Variants in BTBD1 observed in about 807,000 individuals in gnomAD.
BTBD1 encodes BTB/POZ domain-containing protein 1.
Under a neutral mutation model 48.0 loss-of-function variants are expected in BTBD1, and 34 were observed. The observed-to-expected ratio is 0.71, with a 90% CI of 0.54 to 0.94. BTBD1 has a LOEUF of 0.94. Ranked by LOEUF, BTBD1 falls within the 40% of genes least tolerant of loss-of-function variation. BTBD1 has a pLI of 0.00. For synonymous variants in BTBD1, 261 were observed against 242.1 expected (o/e 1.08, Z -0.72); for missense variants, 543 against 625.6 (o/e 0.87, Z 1.41).
intron 2 of BTBD1, among the ~76,000 whole-genome samples, chr15:83,054,066 C>T (rs564244271): frequency 1.3e-5 from 2 of 151,704 alleles, no homozygotes; most frequent in East Asian, 3.9e-4. Context: ...AGGCGAGGCA[C>T]GGTGGCTCAC....
rs2033284379 is a variant in BTBD1 at position 83,066,787 on chromosome 15, G to A, written c.365C>T (p.Pro122Leu). ...MATTSAEIEL[P>L]DVEPAAFLAL... Reference sequence around the variant, plus strand: ...CAGGAAGGCTGCGGGCTCCACGTCCGGCAGCTCGATCTCGGCCGACGTGGT... The same window carrying A: ...CAGGAAGGCTGCGGGCTCCACGTCCAGCAGCTCGATCTCGGCCGACGTGGT... The change falls in exon 1 of 8, where the codon CCG becomes CTG. Residue 122 changes from proline (P) to leucine (L), a missense_variant. Pro to Leu is a moderately conservative substitution (Grantham distance 98). Transcript: ENST00000261721. The A allele has an allele frequency of 7.0e-7, 1 of 1,433,620 alleles. No individual in the cohort carries two copies. The highest frequency in any genetic ancestry group is 9.1e-7 in the Non-Finnish European group (1 of 1,097,762). The allele number at this position is 1,433,620 out of a possible 1,614,324, so 88.8% of individuals were successfully genotyped here.
At chr15:83,060,688 G>C (rs759878776) in intron 1 of BTBD1, among the ~76,000 whole-genome samples, 2 of 152,098 alleles carry the variant, frequency 1.3e-5, no homozygotes, top group Non-Finnish European at 2.9e-5. Context: ...CAGCTATTCG[G>C]GAGGCTAAGC....
chr15:83,044,581 T>C lies in BTBD1; in HGVS notation c.665-2656A>G, dbSNP rs1007351133. Reference sequence around the variant, plus strand: ...TTTTCTTGTACCCTGGGAGAGAAGTTTGAAGAAACCACAGCTGATGGCAGA... The same window carrying C: ...TTTTCTTGTACCCTGGGAGAGAAGTCTGAAGAAACCACAGCTGATGGCAGA... On this transcript the variant is annotated intron_variant, in intron 3 of 7. Coordinates refer to ENST00000261721, the MANE Select transcript of BTBD1 (RefSeq NM_025238.4). The C allele has an allele frequency of 2.4e-5, 38 of 1,596,668 alleles. No homozygotes were observed. The African/African-American group carries it at 4.7e-4, about 20-fold the overall frequency.
intron 2 of BTBD1, among the ~76,000 whole-genome samples, chr15:83,054,491 G>C (rs2033048176): frequency 6.6e-6 from 1 of 151,920 alleles, no homozygotes; most frequent in Middle Eastern, 3.2e-3. Flanking sequence ...GGTGACATCA[G>C]AATGTTCTTT....
rs183842947 is a variant in BTBD1, at chr15:83,021,377, C to T, written c.1056-615G>A. ...GCAGTTTCCTAACTAGAATAATTAACAAGTCCAGTTTGGTCATAATAGTTA... is the reference window on the plus strand; with the variant it reads ...GCAGTTTCCTAACTAGAATAATTAATAAGTCCAGTTTGGTCATAATAGTTA... On this transcript the variant is annotated intron_variant, in intron 5 of 7. Coordinates refer to ENST00000261721, the MANE Select transcript of BTBD1 (RefSeq NM_025238.4). Among the ~76,000 whole-genome samples the T allele has an allele frequency of 7.2e-5, 11 of 152,340 alleles. No homozygotes were observed. In the East Asian group the frequency reaches 2.1e-3, roughly 29 times the overall value.
At chr15:83,025,642 TTAC>T (rs1164505774) in intron 5 of BTBD1, among the ~76,000 whole-genome samples, 47 of 152,272 alleles carry the variant, frequency 3.1e-4, no homozygotes, top group South Asian at 1.0e-3. Flanking sequence ...ATATATAAAA[TTAC>T]TACAATACAG....
intron 3 of BTBD1, among the ~76,000 whole-genome samples, chr15:83,042,348 T>TTATATATATATATATATATGTA (rs2032777958): frequency 4.5e-5 from 5 of 109,896 alleles, no homozygotes; most frequent in African/African-American, 1.9e-4. Flanking sequence ...TTAGGCAATT[T>TTATATATATATATATATATGTA]TATATATATA....
At position 83,016,633 on chromosome 15, in the gene BTBD1, G is replaced by C. The variant is rs1567099535; in HGVS notation, c.*1434C>G. The C allele has an allele frequency of 6.6e-6, 1 of 152,028 alleles. No homozygotes were observed. Among genetic ancestry groups the C allele is most frequent in the Non-Finnish European group, 1.5e-5 (1 of 68,014 alleles). The allele number at this position is 152,028 out of a possible 1,614,324, so 9.4% of individuals were successfully genotyped here. A position where few individuals can be genotyped will look rare whatever the true frequency, so the allele number is the denominator to read the frequency against. ...ATTTTTTAAGGCAGAAGTATTTTCTGTAATGGTTACTACAGAGTGTTTACT... is the reference window on the plus strand; with the variant it reads ...ATTTTTTAAGGCAGAAGTATTTTCTCTAATGGTTACTACAGAGTGTTTACT... On this transcript the variant is annotated 3_prime_UTR_variant, in exon 8 of 8. Transcript: ENST00000261721.
At chr15:83,039,889 G>A (rs2032711875) in intron 4 of BTBD1, among the ~76,000 whole-genome samples, 1 of 151,148 alleles carries the variant, frequency 6.6e-6, no homozygotes, top group South Asian at 2.1e-4. Flanking sequence ...AAAAGAAAAT[G>A]TTCCACCAAA....
intron 5 of BTBD1, chr15:83,029,855 C>T (rs765851676): frequency 2.0e-5 from 7 of 358,792 alleles, no homozygotes; most frequent in South Asian, 3.2e-5. Flanking sequence ...AGTGACAGAG[C>T]GACTCCATCT....
intron 3 of BTBD1, 111 bp from the exon 4 acceptor site, chr15:83,042,036 T>C: frequency 1.2e-6 from 1 of 827,984 alleles, no homozygotes; most frequent in South Asian, 1.7e-5. Flanking sequence ...AAAAATAGGT[T>C]AGACACTTAA....
Position 83,018,226 on chromosome 15 carries a change from C to T in BTBD1, c.1291-1G>A, listed in dbSNP as rs1429917298. On this transcript the variant is annotated splice_acceptor_variant, in intron 7 of 7. Transcript: ENST00000261721. LOFTEE classifies it high-confidence loss of function. ...TTGTGCCATAGTGGGAATCTGGACC[C>T]TAAATGAGAACAAAAGGTTCCTTAG... The T allele has an allele frequency of 6.4e-7, 1 of 1,564,386 alleles. No individual in the cohort carries two copies. The highest frequency in any genetic ancestry group is 1.2e-5 in the South Asian group (1 of 80,178).
At chr15:83,038,146 C>T (rs1210464222) in intron 4 of BTBD1, among the ~76,000 whole-genome samples, 1 of 152,030 alleles carries the variant, frequency 6.6e-6, no homozygotes, top group African/African-American at 2.4e-5. Context: ...TCAATAAAGC[C>T]TCAGAATATA....
Position 83,020,714 on chromosome 15 carries a change from T to C in BTBD1, c.1104A>G (p.Gly368=), listed in dbSNP as rs1596420107. 1 of 1,609,014 alleles carries C rather than the reference T, an allele frequency of 6.2e-7. No individual in the cohort carries two copies. The highest frequency in any genetic ancestry group is 1.7e-5 in the Admixed American group (1 of 59,920). ...RISIVGFGLY[G]SIHGPTDYQV... ...GATAATCTGTAGGGCCATGAATAGA[T>C]CCATACAAGCCAAATCCAACTATAG... The change falls in exon 6 of 8, where the codon GGA becomes GGG. Residue 368 remains glycine, a synonymous_variant. Transcript: ENST00000261721.
At chr15:83,064,662 C>G (rs963984190) in intron 1 of BTBD1, among the ~76,000 whole-genome samples, 2 of 151,734 alleles carry the variant, frequency 1.3e-5, no homozygotes, top group Admixed American at 6.6e-5. Flanking sequence ...AAAATGCTAC[C>G]AAGGTCTCAC....
chr15:83,060,670 T>G (rs2033162166), intron 1 of BTBD1, among the ~76,000 whole-genome samples: 1 of 152,114 alleles, frequency 6.6e-6, no homozygotes, highest in Non-Finnish European at 1.5e-5. Context: ...GGCACACACC[T>G]GTAATCCCAG....
chr15:83,058,240 G>A (rs954698533), intron 1 of BTBD1, among the ~76,000 whole-genome samples: 2 of 152,204 alleles, frequency 1.3e-5, no homozygotes, highest in Admixed American at 6.5e-5. Context: ...TCTGGATTCT[G>A]GGCTCCAGAT....
intron 2 of BTBD1, 127 bp from the exon 3 acceptor site, chr15:83,050,305 C>T (rs12437558): frequency 3.1e-5 from 17 of 551,406 alleles, no homozygotes; most frequent in African/African-American, 5.6e-5. Flanking sequence ...TTAAAATACA[C>T]GCAATAATGT....
chr15:83,056,324 T>C lies in BTBD1; in HGVS notation c.558+65A>G, dbSNP rs183370286. Reference sequence around the variant, plus strand: ...CTAGAATTCTCCAGGAAATATTAAATGCCCATATATAGTTTACTCAATTTT... The same window carrying C: ...CTAGAATTCTCCAGGAAATATTAAACGCCCATATATAGTTTACTCAATTTT... On this transcript the variant is annotated intron_variant, in intron 2 of 7. Coordinates refer to ENST00000261721, the MANE Select transcript of BTBD1 (RefSeq NM_025238.4). 4,801 of 994,056 alleles carry C rather than the reference T, an allele frequency of 4.8e-3. 22 individuals carry two copies. Among genetic ancestry groups the C allele is most frequent in the Non-Finnish European group, 6.6e-3 (4,379 of 666,364 alleles). 61.6% of individuals were successfully genotyped at this position (994,056 alleles called of 1,614,324 possible). A position where few individuals can be genotyped will look rare whatever the true frequency, so the allele number is the denominator to read the frequency against.
Sources: gnomAD v4.1 joint callset for allele counts (sites outside exome capture counted in the v4.1 genomes callset) on GRCh38, gnomAD v4.1.1 for gene constraint, MANE v1.5 for transcripts, NCBI Gene and HGNC (gene_info 2026-07-23, HGNC 2026-07-21) for gene names.